ARB2A: variants seen among roughly 807,000 people sequenced by gnomAD.
The protein encoded by ARB2A is cotranscriptional regulator ARB2A.
the ARB2A span, among the ~76,000 whole-genome samples, chr5:93,768,937 C>T: frequency 6.6e-6 from 1 of 151,334 alleles, no homozygotes; most frequent in Non-Finnish European, 1.5e-5. Context: ...CAGTGTGAGA[C>T]CATGTCTCTG....
chr5:93,844,519 A>G, the ARB2A span, among the ~76,000 whole-genome samples: 2 of 152,198 alleles, frequency 1.3e-5, no homozygotes, highest in East Asian at 1.9e-4. Context: ...TAAAATATAA[A>G]TGTAACATAA....
At chr5:93,908,880 T>C in the ARB2A span, among the ~76,000 whole-genome samples, 1 of 150,896 alleles carries the variant, frequency 6.6e-6, no homozygotes, top group East Asian at 1.9e-4. Context: ...CTTTCCTCCA[T>C]GTTTAAAAAA....
the ARB2A span, among the ~76,000 whole-genome samples, chr5:93,917,003 T>C: frequency 6.6e-6 from 1 of 152,154 alleles, no homozygotes; most frequent in Non-Finnish European, 1.5e-5. Context: ...GTAACATGAA[T>C]AAATAACTGC....
At chr5:93,688,190 T>C in the ARB2A span, among the ~76,000 whole-genome samples, 1 of 152,138 alleles carries the variant, frequency 6.6e-6, no homozygotes, top group African/African-American at 2.4e-5. Context: ...GCCAGGCTGG[T>C]CTCAAACCTC....
chr5:93,836,520 T>C, the ARB2A span, among the ~76,000 whole-genome samples: 1 of 152,234 alleles, frequency 6.6e-6, no homozygotes, highest in Non-Finnish European at 1.5e-5. Context: ...TGCATTAATA[T>C]AGAACAAAAC....
the ARB2A span, among the ~76,000 whole-genome samples, chr5:93,709,362 C>T: frequency 3.9e-5 from 6 of 151,966 alleles, no homozygotes; most frequent in East Asian, 1.9e-4. Context: ...GGGCCAGGCG[C>T]GGTGGCTCAC....
chr5:93,884,438 T>C, the ARB2A span, among the ~76,000 whole-genome samples: 1 of 151,574 alleles, frequency 6.6e-6, no homozygotes, highest in African/African-American at 2.4e-5. Context: ...AACTGAAAAT[T>C]ACATGACTCA....
chr5:93,822,914 A>G, the ARB2A span, among the ~76,000 whole-genome samples: 1 of 152,150 alleles, frequency 6.6e-6, no homozygotes, highest in African/African-American at 2.4e-5. Flanking sequence ...GTCAGCTAAA[A>G]TATTCTCAGA....
chr5:93,800,062 C>T, the ARB2A span, among the ~76,000 whole-genome samples: 1 of 151,914 alleles, frequency 6.6e-6, no homozygotes, highest in Non-Finnish European at 1.5e-5. Flanking sequence ...GGATAATGCA[C>T]ATATCTATTT....
At chr5:94,000,907 T>A in the ARB2A span, among the ~76,000 whole-genome samples, 1 of 152,106 alleles carries the variant, frequency 6.6e-6, no homozygotes, top group Admixed American at 6.6e-5. Context: ...TAAAAGAGTA[T>A]CCCTGCTCCA....
chr5:93,755,027 A>G, the ARB2A span, among the ~76,000 whole-genome samples: 1 of 152,214 alleles, frequency 6.6e-6, no homozygotes, highest in African/African-American at 2.4e-5. Flanking sequence ...ATGCCTTTTC[A>G]GTCCTATAGA....
the ARB2A span, among the ~76,000 whole-genome samples, chr5:93,829,464 T>G: frequency 2.6e-4 from 40 of 152,180 alleles, no homozygotes; most frequent in Non-Finnish European, 1.8e-4. Context: ...TTCCCAAGGA[T>G]TAGGTAATGT....
At chr5:93,658,987 G>A in the ARB2A span, among the ~76,000 whole-genome samples, 3 of 151,472 alleles carry the variant, frequency 2.0e-5, no homozygotes, top group African/African-American at 7.3e-5. Context: ...TAAGATACAC[G>A]GCATAAAAAA....
At chr5:93,647,093 T>A in the ARB2A span, among the ~76,000 whole-genome samples, 2 of 152,176 alleles carry the variant, frequency 1.3e-5, no homozygotes, top group Non-Finnish European at 2.9e-5. Context: ...GTAACTACAG[T>A]ATAGTTATCA....
At chr5:93,900,371 G>C in the ARB2A span, among the ~76,000 whole-genome samples, 1 of 152,078 alleles carries the variant, frequency 6.6e-6, no homozygotes, top group South Asian at 2.1e-4. Flanking sequence ...CCAGCACTTT[G>C]GGAGGCTGAG....
At chr5:93,722,702 A>G in the ARB2A span, among the ~76,000 whole-genome samples, 1 of 151,942 alleles carries the variant, frequency 6.6e-6, no homozygotes, top group South Asian at 2.1e-4. Flanking sequence ...ACTAGAAGAA[A>G]GGGGTTAACT....
the ARB2A span, among the ~76,000 whole-genome samples, chr5:93,772,808 T>C: frequency 6.6e-6 from 1 of 152,184 alleles, no homozygotes; most frequent in Non-Finnish European, 1.5e-5. Flanking sequence ...ACAGGGCAGC[T>C]TACAACCTGG....
chr5:93,735,664 G>C, the ARB2A span: 1 of 152,160 alleles, frequency 6.6e-6, no homozygotes. Context: ...CTTTTAATGG[G>C]ATAATCCAAC....
At chr5:94,027,605 A>T in the ARB2A span, among the ~76,000 whole-genome samples, 3 of 152,178 alleles carry the variant, frequency 2.0e-5, no homozygotes, top group African/African-American at 7.2e-5. Context: ...GGGGAACAAG[A>T]ATTCATTAAT....
Sources: gnomAD v4.1 joint callset for allele counts (sites outside exome capture counted in the v4.1 genomes callset) on GRCh38, gnomAD v4.1.1 for gene constraint, MANE v1.5 for transcripts, NCBI Gene and HGNC (gene_info 2026-07-23, HGNC 2026-07-21) for gene names.